RBFOX1: variants seen among roughly 807,000 people sequenced by gnomAD.
RBFOX1 encodes RNA binding protein fox-1 homolog 1.
Under a neutral mutation model 57.7 loss-of-function variants are expected in RBFOX1, and 8 were observed. The ratio of observed to expected loss-of-function variants is 0.14; its 90% CI spans 0.08 to 0.25. RBFOX1 has a LOEUF of 0.25. RBFOX1 is among the 10% of genes least tolerant of loss of function. RBFOX1 has a pLI of 1.00. For missense variants in RBFOX1, 611 were observed against 548.5 expected, an observed-to-expected ratio of 1.11 and a Z score of -1.14; for synonymous variants, 326 against 222.4, an observed-to-expected ratio of 1.47 and a Z score of -4.15.
intron 4 of RBFOX1, among the ~76,000 whole-genome samples, chr16:7,268,510 G>T (rs574177847): frequency 1.3e-5 from 2 of 152,310 alleles, no homozygotes; most frequent in Admixed American, 1.3e-4. Flanking sequence ...ATGCTCTGCG[G>T]TAATATGTTC....
At position 6,941,505 on chromosome 16, in the gene RBFOX1, A is replaced by G. The variant is rs530651626; in HGVS notation, c.-15-110552A>G. 2.6e-5 allele frequency among the ~76,000 whole-genome samples: 4 copies of G among 152,168 alleles called. No homozygotes were observed. In the South Asian group the frequency reaches 8.3e-4, roughly 32 times the overall value. On this transcript the variant is annotated intron_variant, in intron 3 of 15. Coordinates refer to ENST00000550418, the MANE Select transcript of RBFOX1 (RefSeq NM_018723.4). ...AACTTTTGATCTATTCTTTCTTCCC[A>G]GTAAGGGGACCCTGCTGGTGGGTTT...
chr16:6,212,154 G>T (rs998097158), intron 1 of RBFOX1, among the ~76,000 whole-genome samples: 2 of 151,902 alleles, frequency 1.3e-5, no homozygotes, highest in Admixed American at 6.6e-5. Context: ...CACTGTCCTC[G>T]GCCAATATGC....
At chr16:6,065,130 T>C (rs2095743641) in intron 1 of RBFOX1, among the ~76,000 whole-genome samples, 1 of 151,748 alleles carries the variant, frequency 6.6e-6, no homozygotes, top group Non-Finnish European at 1.5e-5. Context: ...CGGGCTCAAG[T>C]GATCCTCCCA....
chr16:7,460,757 G>T (rs1486458982), intron 4 of RBFOX1, among the ~76,000 whole-genome samples: 2 of 151,880 alleles, frequency 1.3e-5, no homozygotes, highest in African/African-American at 2.4e-5. Flanking sequence ...TGAATGAATA[G>T]ATAAATAAAT....
At chr16:6,261,056 T>A (rs1409143550) in intron 1 of RBFOX1, among the ~76,000 whole-genome samples, 1 of 152,214 alleles carries the variant, frequency 6.6e-6, no homozygotes, top group Non-Finnish European at 1.5e-5. Flanking sequence ...CATCAACTTG[T>A]ATAACTTGCA....
rs548337921 is a variant in RBFOX1, at chr16:6,894,610, C to T, written c.-15-157447C>T. Among the ~76,000 whole-genome samples, 6 of 152,264 alleles carry T rather than the reference C, an allele frequency of 3.9e-5. No individual in the cohort carries two copies. The South Asian group carries it at 8.3e-4, about 21-fold the overall frequency. ...CCATTTGGGGTTCTCAGTGCAATTT[C>T]GTGACAGTTTTAAACTGACACTTTC... On this transcript the variant is annotated intron_variant, in intron 3 of 15. Transcript: ENST00000550418.
chr16:6,001,842 T>C (rs1273783247), intron 4 of RBFOX1, among the ~76,000 whole-genome samples: 2 of 152,070 alleles, frequency 1.3e-5, no homozygotes, highest in Non-Finnish European at 2.9e-5. Context: ...AACTGGAATA[T>C]CCAATGGGAC....
intron 1 of RBFOX1, among the ~76,000 whole-genome samples, chr16:6,042,334 T>C (rs1194921503): frequency 1.3e-5 from 2 of 151,982 alleles, no homozygotes; most frequent in Non-Finnish European, 2.9e-5. Context: ...CTCTTAACAT[T>C]GGGATTTGTC....
rs562296746 is a variant in RBFOX1 at position 5,947,209 on chromosome 16, C to T, written c.351+79874C>T. Among the ~76,000 whole-genome samples, 1 of 152,146 alleles carries T rather than the reference C, an allele frequency of 6.6e-6. No homozygotes were observed. Among genetic ancestry groups the T allele is most frequent in the Non-Finnish European group, 1.5e-5 (1 of 68,030 alleles). ...CCAGCCTGGGTGGCAGAGTGAGACT[C>T]TGTCTCTAAAACAAAACAAACCAGA... is the stretch of plus-strand genomic sequence containing the variant. On this transcript the variant is annotated intron_variant, in intron 4 of 19. Transcript: ENST00000641259. This position sits in a 1 kb window ranked among gnomAD's most constrained non-coding sequence, Gnocchi z 7.2.
chr16:6,031,181 G>A (rs1330828985), intron 1 of RBFOX1, among the ~76,000 whole-genome samples: 1 of 152,198 alleles, frequency 6.6e-6, no homozygotes, highest in Non-Finnish European at 1.5e-5. Flanking sequence ...AGACTGAGAA[G>A]GGCCAAGCTG....
intron 4 of RBFOX1, among the ~76,000 whole-genome samples, chr16:7,439,068 T>C (rs1323127356): frequency 6.9e-6 from 1 of 145,732 alleles, no homozygotes; most frequent in African/African-American, 2.8e-5. Context: ...CAACGCAGAG[T>C]CTCTCTGTGC....
At chr16:7,056,429 A>T (rs146824904) in intron 4 of RBFOX1, among the ~76,000 whole-genome samples, 1 of 152,024 alleles carries the variant, frequency 6.6e-6, no homozygotes, top group Admixed American at 6.6e-5. Context: ...CTGTGCATTA[A>T]CCACTCCTGA....
chr16:7,114,351 A>C (rs1405766274), intron 4 of RBFOX1, among the ~76,000 whole-genome samples: 1 of 152,210 alleles, frequency 6.6e-6, no homozygotes, highest in Non-Finnish European at 1.5e-5. Flanking sequence ...TGGAGGTCCA[A>C]GGTCACATAT....
At chr16:6,349,266 C>A (rs757651029) in intron 2 of RBFOX1, among the ~76,000 whole-genome samples, 1 of 152,184 alleles carries the variant, frequency 6.6e-6, no homozygotes, top group Middle Eastern at 3.4e-3. Flanking sequence ...CTTACCTAGC[C>A]GACGACTTGA....
At chr16:5,658,438 C>A (rs2049527566) in intron 3 of RBFOX1, among the ~76,000 whole-genome samples, 1 of 152,090 alleles carries the variant, frequency 6.6e-6, no homozygotes, top group African/African-American at 2.4e-5. Flanking sequence ...CAGATTGGGA[C>A]ACTTAATTCA....
intron 3 of RBFOX1, among the ~76,000 whole-genome samples, chr16:6,879,450 C>A (rs538888672): frequency 1.6e-4 from 24 of 152,080 alleles, no homozygotes; most frequent in Admixed American, 1.4e-3. Context: ...ACTGTTCTTT[C>A]ATCTTTGTGT....
intron 3 of RBFOX1, among the ~76,000 whole-genome samples, chr16:6,663,351 C>G (rs1215960863): frequency 6.6e-6 from 1 of 152,184 alleles, no homozygotes; most frequent in Non-Finnish European, 1.5e-5. Context: ...ATGGATTGAT[C>G]TCCTGGTTTA....
intron 3 of RBFOX1, among the ~76,000 whole-genome samples, chr16:5,660,603 G>T (rs766467756): frequency 1.9e-4 from 29 of 152,234 alleles, no homozygotes; most frequent in Non-Finnish European, 3.8e-4. Context: ...GTTGCCGTTT[G>T]CTCTGTTTAG....
At chr16:7,440,118 A>G (rs1598453069) in intron 4 of RBFOX1, among the ~76,000 whole-genome samples, 1 of 151,620 alleles carries the variant, frequency 6.6e-6, no homozygotes, top group African/African-American at 2.4e-5. Flanking sequence ...CTGGTCTCGA[A>G]CTCCTGGGCT....
Sources: gnomAD v4.1 joint callset for allele counts (sites outside exome capture counted in the v4.1 genomes callset) on GRCh38, gnomAD v4.1.1 for gene constraint, Gnocchi (gnomAD v3.1) non-coding constraint, MANE v1.5 for transcripts, NCBI Gene and HGNC (gene_info 2026-07-23, HGNC 2026-07-21) for gene names.